VCAN: variants seen among roughly 807,000 people sequenced by gnomAD.
VCAN encodes the protein versican.
A neutral mutation model predicts 245.5 loss-of-function variants in VCAN; 44 were observed. That is an observed-to-expected ratio of 0.18 (90% CI 0.14 to 0.23). The LOEUF (loss-of-function observed/expected upper bound fraction) is 0.23. Among genes scored for constraint, VCAN ranks in the 10% least tolerant of loss-of-function variants. The pLI, the probability that VCAN is intolerant of heterozygous loss-of-function variation, is 1.00. For missense variants in VCAN, 3,793 were observed against 4,057.9 expected (o/e 0.93, Z 1.77); for synonymous variants, 1,413 against 1,437.0 (o/e 0.98, Z 0.38).
At chr5:83,556,334 G>A (rs531992134) in intron 12 of VCAN, among the ~76,000 whole-genome samples, 2 of 152,212 alleles carry the variant, frequency 1.3e-5, no homozygotes, top group South Asian at 2.1e-4. Flanking sequence ...TCTTCTGACC[G>A]GTACCTCCTC....
At position 83,580,548 on chromosome 5, in the gene VCAN, G is replaced by T. The variant is rs868827951; in HGVS notation, c.*114G>T. On this transcript the variant is annotated 3_prime_UTR_variant, in exon 15 of 15. Transcript: ENST00000265077. ...AGTTGGTTTGGATTTTTGGACCACCGTTCAGTCATTTTGGGTTGCCGTGCT... is the reference window on the plus strand; with the variant it reads ...AGTTGGTTTGGATTTTTGGACCACCTTTCAGTCATTTTGGGTTGCCGTGCT... 4.6e-6 allele frequency: 7 copies of T among 1,513,440 alleles called. No homozygotes were observed. 93.8% of individuals were successfully genotyped at this position (1,513,440 alleles called of 1,614,324 possible). A position where few individuals can be genotyped will look rare whatever the true frequency, so the allele number is the denominator to read the frequency against.
At chr5:83,577,781 A>G (rs1222174166) in intron 13 of VCAN, among the ~76,000 whole-genome samples, 1 of 152,216 alleles carries the variant, frequency 6.6e-6, no homozygotes, top group Admixed American at 6.5e-5. Flanking sequence ...TCAAATGAAA[A>G]GACTACACTT....
Position 83,538,192 on chromosome 5 carries a change from GAACTACAGGTACGGCTTCTACATTTGA to G in VCAN, c.5190_5216del (p.Thr1731_Glu1739del). On this transcript the variant is annotated inframe_deletion, in exon 8 of 15. Transcript: ENST00000265077. ...GAAAAGAAAAGGAAGGAGGAGGAGG[GAACTACAGGTACGGCTTCTACATTTGA>G]GGTATATTCATCTACACAGAGATCG... 6.2e-7 allele frequency: 1 copy of G among 1,613,922 alleles called. No homozygotes were observed. The highest frequency in any genetic ancestry group is 8.5e-7 in the Non-Finnish European group (1 of 1,179,982).
In VCAN at chr5:83,505,965, C is replaced by G. The variant is rs1022369615; in HGVS notation, c.749-6138C>G. ...GCCACAGCCCAAGCTGTACACTGGC[C>G]CCACTCAGCCACGGTTTGAGTGGCT... On this transcript the variant is annotated intron_variant, in intron 5 of 14. Coordinates refer to ENST00000265077, the MANE Select transcript of VCAN (RefSeq NM_004385.5). 2.0e-5 allele frequency among the ~76,000 whole-genome samples: 3 copies of G among 152,182 alleles called. No homozygotes were observed. In the East Asian group the frequency reaches 5.8e-4, roughly 29 times the overall value.
chr5:83,543,192 T>A (rs1747070153), intron 8 of VCAN, among the ~76,000 whole-genome samples: 1 of 152,206 alleles, frequency 6.6e-6, no homozygotes, highest in African/African-American at 2.4e-5. Flanking sequence ...GAATATTTAC[T>A]TTGTAGAATT....
At chr5:83,573,618 A>G (rs746011345) in intron 13 of VCAN, among the ~76,000 whole-genome samples, 1 of 152,324 alleles carries the variant, frequency 6.6e-6, no homozygotes, top group East Asian at 1.9e-4. Context: ...AAAACATGAC[A>G]GCGTGCTTCA....
intron 1 of VCAN, among the ~76,000 whole-genome samples, chr5:83,473,747 C>T (rs1268654699): frequency 1.3e-5 from 2 of 152,174 alleles, no homozygotes; most frequent in Non-Finnish European, 2.9e-5. Flanking sequence ...AAGTCCCGCA[C>T]AGGCGGAGAA....
Position 83,539,402 on chromosome 5 carries a change from T to A in VCAN, c.6399T>A (p.Pro2133=), listed in dbSNP as rs1334286029. ...CATTTGAATCCCCTCAAAACTCTCC[T>A]GCAACAGAACAAACAATCTTTGATT... ...EKSFESPQNS[P]ATEQTIFDSQ... Residue 2133 remains proline (P), a synonymous_variant, in exon 8 of 15, where the codon CCT becomes CCA. Coordinates refer to ENST00000265077, the MANE Select transcript of VCAN (RefSeq NM_004385.5). The A allele has an allele frequency of 6.2e-7, 1 of 1,613,978 alleles. No individual in the cohort carries two copies.
intron 12 of VCAN, among the ~76,000 whole-genome samples, chr5:83,567,504 G>C (rs983922492): frequency 2.0e-5 from 3 of 151,934 alleles, no homozygotes; most frequent in African/African-American, 7.3e-5. Flanking sequence ...GTTTCACTAT[G>C]TTGGCCAGGC....
chr5:83,505,271 G>A (rs760562743), intron 5 of VCAN, among the ~76,000 whole-genome samples: 2 of 152,110 alleles, frequency 1.3e-5, no homozygotes, highest in African/African-American at 2.4e-5. Flanking sequence ...TTGAGACAAG[G>A]CAAGTCCCTT....
Position 83,545,641 on chromosome 5 carries a change from T to C in VCAN, c.9370T>C (p.Cys3124Arg), listed in dbSNP as rs1747181572. Residue 3124 changes from cysteine to arginine, a missense_variant, in exon 9 of 15, where the codon TGT (cysteine) becomes CGT (arginine). Physicochemically the swap from Cys to Arg is radical, Grantham distance 180. This residue lies in a region of VCAN where 3,182 missense variants were observed against 3,250.3 expected (regional missense o/e 0.98). Coordinates refer to ENST00000265077, the MANE Select transcript of VCAN (RefSeq NM_004385.5). ...TCVPGYSGDQ[C>R]ELDFDECHSN... ...TGTGCCAGGATACAGCGGAGACCAG[T>C]GTGAACTTGGTAAGATGGTACTTGG... 1.2e-6 allele frequency: 2 copies of C among 1,613,730 alleles called. No homozygotes were observed. The highest frequency in any genetic ancestry group is 8.5e-7 in the Non-Finnish European group (1 of 1,179,726).
chr5:83,516,105 G>A (rs546993555), intron 6 of VCAN, among the ~76,000 whole-genome samples: 24 of 152,090 alleles, frequency 1.6e-4, no homozygotes, highest in African/African-American at 5.1e-4. Flanking sequence ...GGTGGCGGGC[G>A]CCTGTAGTCC....
rs1746917915 is a variant in VCAN at position 83,540,291 on chromosome 5, G to A, written c.7288G>A (p.Gly2430Arg). The A allele has an allele frequency of 6.2e-7, 1 of 1,613,980 alleles. No individual in the cohort carries two copies. ...KPSDLYYEPS[G>R]EGSGEVDIVD... Reference sequence around the variant, plus strand: ...ATCTGACTTGTATTATGAACCTTCTGGAGAAGGATCTGGAGAAGTGGATAT... The same window carrying A: ...ATCTGACTTGTATTATGAACCTTCTAGAGAAGGATCTGGAGAAGTGGATAT... The change falls in exon 8 of 15, where the codon GGA (glycine) becomes AGA (arginine). Residue 2430 changes from glycine to arginine, a missense_variant. Around this residue, in one of 5 missense-constraint regions of VCAN, gnomAD observed 3,182 missense variants for 3,250.3 expected, o/e 0.98. Coordinates refer to ENST00000265077, the MANE Select transcript of VCAN (RefSeq NM_004385.5).
chr5:83,520,576 G>C lies in VCAN; in HGVS notation c.2270G>C (p.Ser757Thr). ...FDFPTLITKL[S>T]AEPTEVRDME... ...TTCCCAACATTGATAACAAAGTTAA[G>C]TGCAGAGCCAACAGAAGTAAGAGAT... Residue 757 changes from serine to threonine, a missense_variant, in exon 7 of 15, where the codon AGT becomes ACT. Coordinates refer to ENST00000265077, the MANE Select transcript of VCAN (RefSeq NM_004385.5). 6.2e-7 allele frequency: 1 copy of C among 1,614,026 alleles called. No individual in the cohort carries two copies. The highest frequency in any genetic ancestry group is 8.5e-7 in the Non-Finnish European group (1 of 1,179,972).
rs1440057378 is a variant in VCAN at position 83,483,535 on chromosome 5, A to T, written c.17A>T (p.Lys6Met). MFINI[K>M]SILWMCSTLI... ...TAGGCCAAGATGTTCATAAATATAA[A>T]GAGCATCTTATGGATGTGTTCAACC... Residue 6 changes from lysine (K) to methionine (M), a missense_variant, in exon 2 of 15, where the codon AAG becomes ATG. Physicochemically the swap from Lys to Met is moderately conservative, Grantham distance 95. This residue lies in a region of VCAN where 179 missense variants were observed against 169.7 expected (regional missense o/e 1.05). Transcript: ENST00000265077. The T allele has an allele frequency of 1.5e-5, 25 of 1,613,334 alleles. No homozygotes were observed. Among genetic ancestry groups the T allele is most frequent in the Non-Finnish European group, 2.1e-5 (25 of 1,179,558 alleles).
In VCAN at chr5:83,512,264, G is replaced by A; in HGVS notation, c.910G>A (p.Val304Met). The change falls in exon 6 of 15, where the codon GTG becomes ATG. Residue 304 changes from valine to methionine, a missense_variant. Val to Met is a conservative substitution (Grantham distance 21). Transcript: ENST00000265077. ...CDYGWLSDAS[V>M]RHPVTVARAQ... Reference sequence around the variant, plus strand: ...TTACGGGTGGCTGTCGGATGCCAGCGTGCGCCACCCTGTGACTGTGGCCAG... The same window carrying A: ...TTACGGGTGGCTGTCGGATGCCAGCATGCGCCACCCTGTGACTGTGGCCAG... 16 of 1,614,188 alleles carry A rather than the reference G, an allele frequency of 9.9e-6. No individual in the cohort carries two copies. Among genetic ancestry groups the A allele is most frequent in the South Asian group, 2.2e-5 (2 of 91,076 alleles).
rs1745265090 is a variant in VCAN, at chr5:83,499,490, C to A, written c.748+5559C>A. Among the ~76,000 whole-genome samples, 3 of 152,128 alleles carry A rather than the reference C, an allele frequency of 2.0e-5. No homozygotes were observed. The South Asian group carries it at 6.2e-4, about 32-fold the overall frequency. Reference sequence around the variant, plus strand: ...ACCACCTTTCCATTTATCTATAACACTTGAAAAAATGCTTTGCTTTATTTA... The same window carrying A: ...ACCACCTTTCCATTTATCTATAACAATTGAAAAAATGCTTTGCTTTATTTA... On this transcript the variant is annotated intron_variant, in intron 5 of 14. Transcript: ENST00000265077.
chr5:83,553,335 T>C (rs1458310711), intron 10 of VCAN, 29 bp from the exon 11 acceptor site: 1 of 1,613,538 alleles, frequency 6.2e-7, no homozygotes. Flanking sequence ...GTATGTGCGT[T>C]TAATAAGCTC....
intron 1 of VCAN, among the ~76,000 whole-genome samples, chr5:83,475,933 A>T (rs1448599133): frequency 6.6e-6 from 1 of 152,230 alleles, no homozygotes; most frequent in Non-Finnish European, 1.5e-5. Flanking sequence ...GTTTGAAAGG[A>T]ATCCCCCTAG....
Sources: gnomAD v4.1 joint callset for allele counts (sites outside exome capture counted in the v4.1 genomes callset) on GRCh38, gnomAD v4.1.1 for gene constraint, gnomAD v4.1.1 regional missense constraint, MANE v1.5 for transcripts, NCBI Gene and HGNC (gene_info 2026-07-23, HGNC 2026-07-21) for gene names.